SNPH: variants seen among roughly 807,000 people sequenced by gnomAD.
The protein encoded by SNPH is syntaphilin.
A neutral mutation model predicts 36.8 loss-of-function variants in SNPH; 10 were observed. The ratio of observed to expected loss-of-function variants is 0.27; its 90% confidence interval spans 0.17 to 0.46. The LOEUF (loss-of-function observed/expected upper bound fraction) is 0.46. SNPH is among the 20% of genes least tolerant of loss of function. The pLI is 1.00. For missense variants in SNPH, 622 were observed against 744.0 expected, an observed-to-expected ratio of 0.84 and a Z score of 1.91; for synonymous variants, 281 against 312.2, an observed-to-expected ratio of 0.90 and a Z score of 1.05.
intron 2 of SNPH, among the ~76,000 whole-genome samples, chr20:1,282,466 G>A (rs1031694436): frequency 2.6e-5 from 4 of 152,076 alleles, no homozygotes; most frequent in Admixed American, 1.3e-4. Flanking sequence ...TTTTTGCCAC[G>A]GCTATAACTG....
At chr20:1,280,434 A>G (rs2088203339) in intron 2 of SNPH, among the ~76,000 whole-genome samples, 1 of 152,256 alleles carries the variant, frequency 6.6e-6, no homozygotes, top group African/African-American at 2.4e-5. Flanking sequence ...CCAGGAAGAC[A>G]GCACTGCATA....
At chr20:1,299,908 A>G (rs1342715028) in intron 5 of SNPH, among the ~76,000 whole-genome samples, 1 of 152,184 alleles carries the variant, frequency 6.6e-6, no homozygotes, top group African/African-American at 2.4e-5. Context: ...TGAGAGTGCC[A>G]GGGCGTATAT....
Position 1,305,184 on chromosome 20 carries a change from T to G in SNPH, c.747T>G (p.Pro249=), listed in dbSNP as rs1325614316. Reference sequence around the variant, plus strand: ...CTGGGGAGTCAGCCGGTGGGTCCCCTGCCCGCTCCCTCACCCGCAGCTCCA... The same window carrying G: ...CTGGGGAGTCAGCCGGTGGGTCCCCGGCCCGCTCCCTCACCCGCAGCTCCA... ...DGTGESAGGS[P]ARSLTRSSTY... Residue 249 remains proline, a synonymous_variant, in exon 7 of 7, where the codon CCT becomes CCG. Coordinates refer to ENST00000381867, the MANE Select transcript of SNPH (RefSeq NM_001318234.2). The G allele has an allele frequency of 6.2e-7, 1 of 1,612,254 alleles. No individual in the cohort carries two copies. Among genetic ancestry groups the G allele is most frequent in the African/African-American group, 1.3e-5 (1 of 74,932 alleles).
At chr20:1,301,273 C>T (rs900526899) in intron 6 of SNPH, among the ~76,000 whole-genome samples, 14 of 152,114 alleles carry the variant, frequency 9.2e-5, no homozygotes, top group Non-Finnish European at 1.6e-4. Flanking sequence ...CCCCGCAGGC[C>T]GTCTGAGCTC....
Position 1,306,242 on chromosome 20 carries a change from C to T in SNPH, c.*188C>T, listed in dbSNP as rs1273347400. ...GTTGGAGAAAGGCATCCCAAAGCTT[C>T]GATGGAGAGCAGGGAAGGGGGACCC... On this transcript the variant is annotated 3_prime_UTR_variant, in exon 7 of 7. Coordinates refer to ENST00000381867, the MANE Select transcript of SNPH (RefSeq NM_001318234.2). 15 of 494,484 alleles carry T rather than the reference C, an allele frequency of 3.0e-5. No individual in the cohort carries two copies. Among genetic ancestry groups the T allele is most frequent in the East Asian group, 2.4e-4 (7 of 28,650 alleles). The allele number at this position is 494,484 out of a possible 1,614,324, so 30.6% of individuals were successfully genotyped here.
intron 5 of SNPH, among the ~76,000 whole-genome samples, chr20:1,298,892 C>T (rs537538357): frequency 3.3e-5 from 5 of 149,548 alleles, no homozygotes; most frequent in East Asian, 4.0e-4. Flanking sequence ...AAAATGTACA[C>T]GTGTTAAATT....
At chr20:1,277,941 CTG>C (rs1179449601) in intron 2 of SNPH, among the ~76,000 whole-genome samples, 12 of 127,258 alleles carry the variant, frequency 9.4e-5, no homozygotes, top group African/African-American at 3.4e-4. Flanking sequence ...GCGTGTGTGC[CTG>C]TGTGTGTCTG....
intron 2 of SNPH, among the ~76,000 whole-genome samples, chr20:1,280,946 C>T (rs555837938): frequency 6.6e-6 from 1 of 152,288 alleles, no homozygotes; most frequent in South Asian, 2.1e-4. Flanking sequence ...TTCCCAAGCC[C>T]AGGGTGCTGC....
At chr20:1,279,306 CT>C (rs905877074) in intron 2 of SNPH, among the ~76,000 whole-genome samples, 2 of 152,166 alleles carry the variant, frequency 1.3e-5, no homozygotes, top group Non-Finnish European at 2.9e-5. Context: ...TGGCATTTTC[CT>C]AATAACTAAT....
intron 2 of SNPH, among the ~76,000 whole-genome samples, chr20:1,288,622 T>TC (rs895716246): frequency 2.7e-5 from 4 of 149,582 alleles, no homozygotes; most frequent in African/African-American, 9.8e-5. Flanking sequence ...TCTTTTTCTT[T>TC]TTTTCTTTTT....
Position 1,305,055 on chromosome 20 carries a change from G to A in SNPH, c.618G>A (p.Gly206=), listed in dbSNP as rs765622837. 2 of 1,614,090 alleles carry A rather than the reference G, an allele frequency of 1.2e-6. No homozygotes were observed. The highest frequency in any genetic ancestry group is 1.1e-5 in the South Asian group (1 of 91,092). ...VKNNLIDKDK[G]LQKYFVDINI... is the part of the protein sequence containing the mutation. ...ACAACCTGATTGACAAGGACAAGGGGCTGCAGAAGTACTTCGTGGACATCA... is the reference window on the plus strand; with the variant it reads ...ACAACCTGATTGACAAGGACAAGGGACTGCAGAAGTACTTCGTGGACATCA... The change falls in exon 7 of 7, where the codon GGG becomes GGA. Residue 206 remains glycine, a synonymous_variant. Coordinates refer to ENST00000381867, the MANE Select transcript of SNPH (RefSeq NM_001318234.2).
chr20:1,266,557 C>T lies in SNPH; in HGVS notation c.-599-97C>T. Reference sequence around the variant, plus strand: ...GCCTGCCCTCCAAGCCTTCTGGCTGCAGCGGCCCAGCTGTCAGCGGCCGGG... The same window carrying T: ...GCCTGCCCTCCAAGCCTTCTGGCTGTAGCGGCCCAGCTGTCAGCGGCCGGG... On this transcript the variant is annotated intron_variant, in intron 1 of 6. Transcript: ENST00000381867. This position sits in a 1 kb window ranked among gnomAD's most constrained non-coding sequence, Gnocchi z 6.0. 2.2e-6 allele frequency: 3 copies of T among 1,377,600 alleles called. No individual in the cohort carries two copies. Among genetic ancestry groups the T allele is most frequent in the Non-Finnish European group, 2.8e-6 (3 of 1,068,038 alleles). The allele number at this position is 1,377,600 out of a possible 1,614,324, so 85.3% of individuals were successfully genotyped here. A position where few individuals can be genotyped will look rare whatever the true frequency, so the allele number is the denominator to read the frequency against.
At chr20:1,274,375 A>G (rs887871860) in intron 2 of SNPH, among the ~76,000 whole-genome samples, 32 of 152,246 alleles carry the variant, frequency 2.1e-4, no homozygotes, top group African/African-American at 7.7e-4. Context: ...TAAAAAAAAA[A>G]AAATCTAGTA....
At position 1,306,407 on chromosome 20, in the gene SNPH, G is replaced by C. The variant is rs3764715; in HGVS notation, c.*353G>C. The C allele has an allele frequency of 2.3e-4, 49 of 210,826 alleles. No homozygotes were observed. Among genetic ancestry groups the C allele is most frequent in the Non-Finnish European group, 3.6e-4 (39 of 107,998 alleles). The allele number at this position is 210,826 out of a possible 1,614,324, so 13.1% of individuals were successfully genotyped here. Reference sequence around the variant, plus strand: ...CTGGCTGTCTTCATGTGGGGAAGCCGGGCTTGAGTTGCCCATAGGCCCCTG... The same window carrying C: ...CTGGCTGTCTTCATGTGGGGAAGCCCGGCTTGAGTTGCCCATAGGCCCCTG... On this transcript the variant is annotated 3_prime_UTR_variant, in exon 7 of 7. Coordinates refer to ENST00000381867, the MANE Select transcript of SNPH (RefSeq NM_001318234.2).
intron 2 of SNPH, among the ~76,000 whole-genome samples, chr20:1,292,464 A>G (rs1244395617): frequency 1.3e-5 from 2 of 152,344 alleles, no homozygotes; most frequent in African/African-American, 4.8e-5. Flanking sequence ...AATTTTGAAC[A>G]GGGTCCAGGC....
intron 2 of SNPH, among the ~76,000 whole-genome samples, chr20:1,268,554 G>A (rs890100370): frequency 2.0e-5 from 3 of 152,152 alleles, no homozygotes; most frequent in African/African-American, 7.2e-5. Context: ...GTTCTCCATA[G>A]GGTTGGGTGG....
At chr20:1,288,510 A>G (rs920613596) in intron 2 of SNPH, among the ~76,000 whole-genome samples, 4 of 152,224 alleles carry the variant, frequency 2.6e-5, no homozygotes, top group African/African-American at 9.6e-5. Flanking sequence ...GGAAGAGGAA[A>G]GAGCAGTGCT....
intron 2 of SNPH, among the ~76,000 whole-genome samples, chr20:1,274,396 G>A (rs1002762767): frequency 6.6e-6 from 1 of 152,072 alleles, no homozygotes; most frequent in African/African-American, 2.4e-5. Context: ...ACAAAACAAT[G>A]TGTTTTGAGA....
chr20:1,266,465 C>T lies in SNPH; in HGVS notation c.-600+68C>T. ...CTGCACCCGCCGCAGTCCAGAGTGC[C>T]GAGTGCCAGGGGGTGGGGTGGGGGC... On this transcript the variant is annotated intron_variant, in intron 1 of 6. Transcript: ENST00000381867. This position sits in a 1 kb window ranked among gnomAD's most constrained non-coding sequence, Gnocchi z 6.0. 1 of 789,186 alleles carries T rather than the reference C, an allele frequency of 1.3e-6. No individual in the cohort carries two copies. The highest frequency in any genetic ancestry group is 1.8e-6 in the Non-Finnish European group (1 of 550,080). The allele number at this position is 789,186 out of a possible 1,614,324, so 48.9% of individuals were successfully genotyped here.
Sources: gnomAD v4.1 joint callset for allele counts (sites outside exome capture counted in the v4.1 genomes callset) on GRCh38, gnomAD v4.1.1 for gene constraint, Gnocchi (gnomAD v3.1) non-coding constraint, MANE v1.5 for transcripts, NCBI Gene and HGNC (gene_info 2026-07-23, HGNC 2026-07-21) for gene names.